Variants in CERT1 observed in about 807,000 individuals in gnomAD.
CERT1 encodes the protein ceramide transfer protein.
In CERT1, 31 loss-of-function variants were observed where a neutral mutation model predicts 87.9. The observed-to-expected ratio is 0.35, with a 90% CI of 0.27 to 0.48. CERT1 has a LOEUF of 0.48. CERT1 is among the 20% of genes least tolerant of loss of function. The pLI is 0.99. For missense variants in CERT1, 487 were observed against 758.0 expected, an observed-to-expected ratio of 0.64 and a Z score of 4.20; for synonymous variants, 289 against 250.9, an observed-to-expected ratio of 1.15 and a Z score of -1.44.
At chr5:75,383,809 T>G (rs1761678799) in intron 14 of CERT1, among the ~76,000 whole-genome samples, 1 of 152,196 alleles carries the variant, frequency 6.6e-6, no homozygotes, top group Non-Finnish European at 1.5e-5. Context: ...TTTTGGTGGA[T>G]CTCTCCAAAA....
intron 8 of CERT1, among the ~76,000 whole-genome samples, chr5:75,406,572 A>C (rs1281566566): frequency 6.9e-6 from 1 of 144,848 alleles, no homozygotes; most frequent in East Asian, 2.0e-4. Context: ...ATGGAGTCTC[A>C]GTTGGTTGCC....
chr5:75,419,241 T>C (rs373158595), intron 6 of CERT1, 100 bp downstream of exon 6: 12 of 733,144 alleles, frequency 1.6e-5, no homozygotes, highest in East Asian at 1.4e-4. Flanking sequence ...CCAGTTCTAC[T>C]GCTTTTTAAA....
At chr5:75,477,661 A>AC (rs1191441628) in intron 2 of CERT1, among the ~76,000 whole-genome samples, 7 of 150,224 alleles carry the variant, frequency 4.7e-5, no homozygotes, top group Admixed American at 3.3e-4. Flanking sequence ...AAAAAAAAAA[A>AC]AAAAAAAACA....
intron 14 of CERT1, among the ~76,000 whole-genome samples, chr5:75,383,234 A>C (rs1761658253): frequency 6.6e-6 from 1 of 152,120 alleles, no homozygotes; most frequent in African/African-American, 2.4e-5. Flanking sequence ...AAATGATTCC[A>C]GGACAATTTG....
chr5:75,498,914 G>A (rs1202278203), intron 2 of CERT1, among the ~76,000 whole-genome samples: 2 of 152,232 alleles, frequency 1.3e-5, no homozygotes, highest in African/African-American at 2.4e-5. Context: ...ATGCTAGCCT[G>A]TGAAAGCAGC....
chr5:75,441,424 T>C (rs995932310), intron 3 of CERT1, among the ~76,000 whole-genome samples: 2 of 152,222 alleles, frequency 1.3e-5, no homozygotes, highest in Non-Finnish European at 2.9e-5. Context: ...GTTATAAGGA[T>C]ACACTACATG....
At position 75,459,056 on chromosome 5, in the gene CERT1, G is replaced by A. The variant is rs1243774663; in HGVS notation, c.348+9C>T. ...TCCTCCATGGACAGGTAAACATTAG[G>A]GATCTTACCTTGTGCTGTTCAATGG... is the stretch of plus-strand genomic sequence containing the variant. On this transcript the variant is annotated intron_variant, in intron 3 of 16. Transcript: ENST00000643780. 2 of 1,509,784 alleles carry A rather than the reference G, an allele frequency of 1.3e-6. No individual in the cohort carries two copies. Among genetic ancestry groups the A allele is most frequent in the Non-Finnish European group, 9.2e-7 (1 of 1,085,846 alleles). 93.5% of individuals were successfully genotyped at this position (1,509,784 alleles called of 1,614,324 possible). A position where few individuals can be genotyped will look rare whatever the true frequency, so the allele number is the denominator to read the frequency against.
At chr5:75,479,593 T>A (rs934966295) in intron 2 of CERT1, among the ~76,000 whole-genome samples, 5 of 152,194 alleles carry the variant, frequency 3.3e-5, no homozygotes, top group Admixed American at 6.5e-5. Flanking sequence ...TCCAGCTCCA[T>A]CCACGTTCCT....
chr5:75,439,794 G>T (rs1349819934), intron 3 of CERT1, among the ~76,000 whole-genome samples: 1 of 151,848 alleles, frequency 6.6e-6, no homozygotes, highest in Non-Finnish European at 1.5e-5. Flanking sequence ...TTTAAAATAC[G>T]CAATGGGAAC....
At chr5:75,421,675 C>G (rs564354412) in intron 5 of CERT1, among the ~76,000 whole-genome samples, 1 of 152,098 alleles carries the variant, frequency 6.6e-6, no homozygotes. Context: ...AGTTATAATA[C>G]GACTATTCCT....
At chr5:75,374,437 T>C, downstream of CERT1, 4 of 614,844 alleles carry the variant, frequency 6.5e-6, no homozygotes, top group South Asian at 5.8e-5. Context: ...ACGGGAACAG[T>C]CCTCTCTACA....
chr5:75,426,740 C>G (rs1398179877), intron 3 of CERT1, among the ~76,000 whole-genome samples: 1 of 152,040 alleles, frequency 6.6e-6, no homozygotes, highest in Admixed American at 6.6e-5. Flanking sequence ...TAGTCAAATT[C>G]ATAGACAGAA....
chr5:75,435,334 TG>T (rs1236880314), intron 3 of CERT1, among the ~76,000 whole-genome samples: 2 of 152,270 alleles, frequency 1.3e-5, no homozygotes, highest in Non-Finnish European at 2.9e-5. Flanking sequence ...ACCCTTGGAC[TG>T]TTTAACTGTG....
chr5:75,478,396 A>C (rs1382253093), intron 2 of CERT1, among the ~76,000 whole-genome samples: 1 of 152,166 alleles, frequency 6.6e-6, no homozygotes, highest in Non-Finnish European at 1.5e-5. Flanking sequence ...AGATATCTGA[A>C]AGCAAACGAG....
intron 2 of CERT1, among the ~76,000 whole-genome samples, chr5:75,474,154 C>T (rs1460473389): frequency 2.6e-5 from 4 of 152,188 alleles, no homozygotes; most frequent in African/African-American, 9.6e-5. Flanking sequence ...CGCTGTGAAA[C>T]TCCCTGCCCT....
At position 75,475,685 on chromosome 5, in the gene CERT1, TA is replaced by T. The variant is rs1019953187; in HGVS notation, c.232-16505del. 3.3e-5 allele frequency among the ~76,000 whole-genome samples: 5 copies of T among 151,576 alleles called. 1 individual carries two copies. Among genetic ancestry groups the T allele is most frequent in the African/African-American group, 1.2e-4 (5 of 41,222 alleles). ...ATACTTGTTTTCCTGCTTGGGGGCT[TA>T]ATATTAGCCTTTTTTTTTTCTTTTT... On this transcript the variant is annotated intron_variant, in intron 2 of 16. Coordinates refer to ENST00000643780, the MANE Select transcript of CERT1 (RefSeq NM_001379029.1).
At chr5:75,442,290 C>T (rs1764355856) in intron 3 of CERT1, among the ~76,000 whole-genome samples, 1 of 152,184 alleles carries the variant, frequency 6.6e-6, no homozygotes, top group African/African-American at 2.4e-5. Flanking sequence ...CTAGTAATCT[C>T]AGCTCATTGC....
intron 9 of CERT1, chr5:75,401,356 G>C (rs1008286392): frequency 2.0e-5 from 3 of 152,164 alleles, no homozygotes; most frequent in Admixed American, 1.3e-4. Flanking sequence ...AGAGAGAAGA[G>C]ATGTTTTGAA....
chr5:75,469,240 G>A (rs1765604427), intron 2 of CERT1, among the ~76,000 whole-genome samples: 1 of 151,974 alleles, frequency 6.6e-6, no homozygotes, highest in African/African-American at 2.4e-5. Flanking sequence ...CTTGAAGGCA[G>A]GTTATTTGAA....
Sources: allele counts gnomAD v4.1 joint callset (sites outside exome capture counted in the v4.1 genomes callset), GRCh38; gene constraint gnomAD v4.1.1; transcripts MANE v1.5; gene names NCBI Gene and HGNC (gene_info 2026-07-23, HGNC 2026-07-21).